The following FAM120B variants were observed in gnomAD, a reference collection of about 807,000 sequenced individuals.
FAM120B encodes constitutive coactivator of peroxisome proliferator-activated receptor gamma.
A neutral mutation model predicts 96.3 loss-of-function variants in FAM120B; 83 were observed. The observed-to-expected ratio is 0.86, with a 90% CI of 0.72 to 1.03. The LOEUF is 1.03. Among genes scored for constraint, FAM120B ranks in the 50% least tolerant of loss-of-function variants. The pLI, the probability that FAM120B is intolerant of heterozygous loss-of-function variation, is 0.00. For synonymous variants in FAM120B, 407 were observed against 402.7 expected (o/e 1.01, Z -0.13); for missense variants, 1,027 against 1,121.2 (o/e 0.92, Z 1.20).
intron 1 of FAM120B, among the ~76,000 whole-genome samples, chr6:170,298,941 G>A (rs1784082440): frequency 6.6e-6 from 1 of 152,212 alleles, no homozygotes. Flanking sequence ...AAGACATGCA[G>A]GAAGTAGAAG....
intron 6 of FAM120B, among the ~76,000 whole-genome samples, chr6:170,383,102 G>GAAAAAAAAAA (rs140590111): frequency 1.3e-4 from 14 of 108,438 alleles, no homozygotes; most frequent in Non-Finnish European, 2.1e-4. Flanking sequence ...GCCAAAAAAA[G>GAAAAAAAAAA]AAAAAAAAAA....
At chr6:170,358,367 G>A (rs755916491) in intron 6 of FAM120B, 49 bp downstream of exon 6, 20 of 1,277,896 alleles carry the variant, frequency 1.6e-5, no homozygotes, top group Non-Finnish European at 2.2e-5. Flanking sequence ...CAGCTGTGCA[G>A]TCCAGCCTTC....
At position 170,295,385 on chromosome 6, in the gene FAM120B, G is replaced by A. The variant is rs750775273; in HGVS notation, c.-21G>A. 1.4e-6 allele frequency: 1 copy of A among 701,246 alleles called. No homozygotes were observed. The highest frequency in any genetic ancestry group is 2.6e-6 in the Non-Finnish European group (1 of 384,400). 43.4% of individuals were successfully genotyped at this position (701,246 alleles called of 1,614,324 possible). ...ATCGTTCGTCACAGCCTGGAAAAGG[G>A]AGGGGGCATCGATCTGGTTTATGTT... On this transcript the variant is annotated 5_prime_UTR_variant, in exon 1 of 11. Transcript: ENST00000537664. The surrounding 1 kb of genome is among the most constrained non-coding windows in gnomAD (Gnocchi z 7.8).
intron 6 of FAM120B, among the ~76,000 whole-genome samples, chr6:170,361,657 T>C (rs1788466813): frequency 6.6e-6 from 1 of 152,192 alleles, no homozygotes. Flanking sequence ...TGTGAGCTTC[T>C]AGTGTATGGT....
intron 9 of FAM120B, among the ~76,000 whole-genome samples, chr6:170,400,016 G>T (rs1778464057): frequency 6.9e-6 from 1 of 144,674 alleles, no homozygotes; most frequent in African/African-American, 2.6e-5. Flanking sequence ...TAACTCTTAG[G>T]AGTGAGTGGG....
At chr6:170,403,660 T>C (rs531872931) in intron 9 of FAM120B, among the ~76,000 whole-genome samples, 1 of 151,976 alleles carries the variant, frequency 6.6e-6, no homozygotes, top group Non-Finnish European at 1.5e-5. Context: ...TTTAACCTCT[T>C]CCTTGCTGTT....
At chr6:170,327,817 A>C (rs963282891) in intron 3 of FAM120B, among the ~76,000 whole-genome samples, 2 of 152,006 alleles carry the variant, frequency 1.3e-5, no homozygotes, top group Non-Finnish European at 2.9e-5. Flanking sequence ...TACACACTGC[A>C]CACGCAGGCT....
rs541682791 is a variant in FAM120B at position 170,322,680 on chromosome 6, G to T, written c.1735-399G>T. Among the ~76,000 whole-genome samples the T allele has an allele frequency of 3.9e-5, 6 of 152,282 alleles. No homozygotes were observed. In the South Asian group the frequency reaches 1.2e-3, roughly 32 times the overall value. On this transcript the variant is annotated intron_variant, in intron 2 of 10. Coordinates refer to ENST00000476287, the MANE Select transcript of FAM120B (RefSeq NM_032448.3). ...TAGCCATTCAAATGTTTTGAATAGGGTAGCAAAGTTTTCAAAGACAGTATG... is the reference window on the plus strand; with the variant it reads ...TAGCCATTCAAATGTTTTGAATAGGTTAGCAAAGTTTTCAAAGACAGTATG...
intron 6 of FAM120B, among the ~76,000 whole-genome samples, chr6:170,371,618 G>T (rs1052415909): frequency 1.3e-5 from 2 of 152,120 alleles, no homozygotes; most frequent in Non-Finnish European, 2.9e-5. Flanking sequence ...ATGCAAAAGG[G>T]TAAAAAAGAA....
chr6:170,316,179 C>T (rs947886380), intron 1 of FAM120B, among the ~76,000 whole-genome samples: 4 of 151,280 alleles, frequency 2.6e-5, no homozygotes, highest in African/African-American at 4.9e-5. Context: ...ATAATATTTA[C>T]GTGTCAGGGT....
intron 3 of FAM120B, among the ~76,000 whole-genome samples, chr6:170,323,568 T>A (rs1354126548): frequency 2.0e-5 from 3 of 152,228 alleles, no homozygotes; most frequent in Non-Finnish European, 4.4e-5. Context: ...AATGTGAGAA[T>A]TCTTTCCTCC....
chr6:170,371,969 G>A (rs759204092), intron 6 of FAM120B, among the ~76,000 whole-genome samples: 1 of 152,192 alleles, frequency 6.6e-6, no homozygotes, highest in Non-Finnish European at 1.5e-5. Flanking sequence ...CCTGTGTTAA[G>A]TGAGTCAGGA....
chr6:170,365,361 G>A (rs569565509), intron 6 of FAM120B, among the ~76,000 whole-genome samples: 2 of 152,170 alleles, frequency 1.3e-5, no homozygotes, highest in Non-Finnish European at 2.9e-5. Flanking sequence ...TGCTTGGTCT[G>A]CAGGGTTCCT....
intron 6 of FAM120B, among the ~76,000 whole-genome samples, chr6:170,366,042 C>T (rs1185551174): frequency 6.6e-6 from 1 of 152,094 alleles, no homozygotes; most frequent in Non-Finnish European, 1.5e-5. Context: ...ATGCTTGGAG[C>T]CTAAGTCTTG....
chr6:170,375,499 T>C (rs1789453314), intron 6 of FAM120B, among the ~76,000 whole-genome samples: 1 of 152,212 alleles, frequency 6.6e-6, no homozygotes, highest in Non-Finnish European at 1.5e-5. Flanking sequence ...CAAATAAGCA[T>C]TGTGTTCTAA....
chr6:170,368,820 T>TCGGG, intron 6 of FAM120B, among the ~76,000 whole-genome samples: 1 of 140,020 alleles, frequency 7.1e-6, no homozygotes, highest in African/African-American at 2.8e-5. Flanking sequence ...CTGCCGGGGC[T>TCGGG]GGGGGGGGGG....
Position 170,319,017 on chromosome 6 carries a change from G to C in FAM120B, c.1627G>C (p.Glu543Gln), listed in dbSNP as rs1785120401. 18 of 1,614,054 alleles carry C rather than the reference G, an allele frequency of 1.1e-5. No individual in the cohort carries two copies. The highest frequency in any genetic ancestry group is 1.4e-5 in the Non-Finnish European group (17 of 1,179,996). ...AGCAACAGATTTTGAATTTAAGCTAGAAGCTCTCATGTGTACAAACCCTGA... is the reference window on the plus strand; with the variant it reads ...AGCAACAGATTTTGAATTTAAGCTACAAGCTCTCATGTGTACAAACCCTGA... ...PVATDFEFKL[E>Q]ALMCTNPEIK... Residue 543 changes from glutamate to glutamine, a missense_variant, in exon 2 of 11, where the codon GAA (glutamate) becomes CAA (glutamine). Coordinates refer to ENST00000476287, the MANE Select transcript of FAM120B (RefSeq NM_032448.3).
chr6:170,361,324 T>C (rs1477944486), intron 6 of FAM120B, among the ~76,000 whole-genome samples: 2 of 149,490 alleles, frequency 1.3e-5, no homozygotes, highest in African/African-American at 4.9e-5. Flanking sequence ...AGGTGCATAG[T>C]ACATATTTAT....
At chr6:170,310,285 A>G (rs2114997520) in intron 1 of FAM120B, among the ~76,000 whole-genome samples, 1 of 152,342 alleles carries the variant, frequency 6.6e-6, no homozygotes, top group Middle Eastern at 3.4e-3. Context: ...GGTTGCTGGG[A>G]AAAGCCAGAG....
Sources: allele counts gnomAD v4.1 joint callset (sites outside exome capture counted in the v4.1 genomes callset), GRCh38; gene constraint gnomAD v4.1.1; non-coding constraint Gnocchi (gnomAD v3.1); transcripts MANE v1.5; gene names NCBI Gene and HGNC (gene_info 2026-07-23, HGNC 2026-07-21).